The following EFCAB3 variants were observed in gnomAD, a reference collection of about 807,000 sequenced individuals.
EFCAB3 encodes EF-hand calcium-binding domain-containing protein 3.
Under a neutral mutation model 42.2 loss-of-function variants are expected in EFCAB3, and 36 were observed. The ratio of observed to expected loss-of-function variants is 0.85; its 90% CI spans 0.65 to 1.13. EFCAB3 has a LOEUF of 1.13. Ranked by LOEUF, EFCAB3 falls within the 50% of genes most tolerant of loss-of-function variation. The probability of loss-of-function intolerance (pLI) is 0.00; values close to 1 mark genes in which losing one functional copy is unlikely to be tolerated. For synonymous variants in EFCAB3, 170 were observed against 172.8 expected, an observed-to-expected ratio of 0.98 and a Z score of 0.13; for missense variants, 418 against 505.1, an observed-to-expected ratio of 0.83 and a Z score of 1.65.
chr17:62,401,485 C>T (rs1436006385), intron 6 of EFCAB3, among the ~76,000 whole-genome samples: 3 of 152,244 alleles, frequency 2.0e-5, no homozygotes, highest in South Asian at 4.2e-4. Context: ...AGGAAGGGAT[C>T]CAGTTTCAGC....
chr17:62,393,428 G>A, intron 4 of EFCAB3, 145 bp from the exon 5 acceptor site: 1 of 629,668 alleles, frequency 1.6e-6, no homozygotes, highest in Admixed American at 2.9e-5. Flanking sequence ...AGAAGACCAG[G>A]GCTCACCTGA....
At chr17:62,373,898 T>A (rs1567718634) in intron 2 of EFCAB3, 1 of 1,170,652 alleles carries the variant, frequency 8.5e-7, no homozygotes, top group Non-Finnish European at 1.2e-6. Context: ...CAATATAAAA[T>A]TATAATCTGA....
chr17:62,412,996 G>A (rs904321866), intron 8 of EFCAB3, among the ~76,000 whole-genome samples: 7 of 152,080 alleles, frequency 4.6e-5, no homozygotes, highest in African/African-American at 1.7e-4. Flanking sequence ...GCAAATGGAT[G>A]AAATGTAAAA....
chr17:62,380,533 T>C, upstream of EFCAB3: 2 of 985,136 alleles, frequency 2.0e-6, no homozygotes, highest in South Asian at 4.7e-5. Context: ...GAGGTCACAG[T>C]TGTGTGATGG....
At chr17:62,392,059 C>A in intron 4 of EFCAB3, 94 bp downstream of exon 4, 2 of 1,203,540 alleles carry the variant, frequency 1.7e-6, no homozygotes, top group East Asian at 2.7e-5. Context: ...AGAAACAAAT[C>A]TTATTTACTT....
At chr17:62,410,174 G>A (rs985624560) in intron 8 of EFCAB3, among the ~76,000 whole-genome samples, 3 of 151,766 alleles carry the variant, frequency 2.0e-5, no homozygotes, top group African/African-American at 7.3e-5. Flanking sequence ...ACTCCAGCCT[G>A]GGCAATAAGA....
At chr17:62,413,284 T>C (rs2070515434) in intron 8 of EFCAB3, among the ~76,000 whole-genome samples, 1 of 152,292 alleles carries the variant, frequency 6.6e-6, no homozygotes, top group South Asian at 2.1e-4. Context: ...CAGACAGTTC[T>C]CAGAAACATG....
At chr17:62,403,363 T>C (rs781479997) in intron 6 of EFCAB3, among the ~76,000 whole-genome samples, 1 of 152,202 alleles carries the variant, frequency 6.6e-6, no homozygotes, top group Non-Finnish European at 1.5e-5. Context: ...AGTCACTATC[T>C]TCTTGGACTT....
chr17:62,404,754 C>G (rs1470703901), intron 6 of EFCAB3, among the ~76,000 whole-genome samples: 10 of 152,086 alleles, frequency 6.6e-5, no homozygotes, highest in Non-Finnish European at 1.5e-5. Flanking sequence ...CAAGATCGTG[C>G]CATTGCACTC....
At chr17:62,390,778 C>T (rs893072440) in intron 3 of EFCAB3, among the ~76,000 whole-genome samples, 5 of 152,162 alleles carry the variant, frequency 3.3e-5, no homozygotes, top group African/African-American at 1.2e-4. Flanking sequence ...GAGCAGGTAT[C>T]GTTATCTCTG....
chr17:62,398,216 G>C, intron 6 of EFCAB3: 1 of 175,422 alleles, frequency 5.7e-6, no homozygotes. Flanking sequence ...CACTTTGGGA[G>C]GCCAAGGCAG....
chr17:62,411,241 A>G (rs1411586827), intron 8 of EFCAB3, among the ~76,000 whole-genome samples: 1 of 152,230 alleles, frequency 6.6e-6, no homozygotes, highest in East Asian at 1.9e-4. Context: ...GGTAAACAAG[A>G]GGAGTATCAT....
rs1021607151 is a variant in EFCAB3 at position 62,397,789 on chromosome 17, C to T, written c.488+2601C>T. 15 of 352,462 alleles carry T rather than the reference C, an allele frequency of 4.3e-5. No homozygotes were observed. In the East Asian group the frequency reaches 1.1e-3, roughly 27 times the overall value. 21.8% of individuals were successfully genotyped at this position (352,462 alleles called of 1,614,324 possible). On this transcript the variant is annotated intron_variant, in intron 6 of 9. Coordinates refer to ENST00000305286, the MANE Select transcript of EFCAB3 (RefSeq NM_173503.4). ...GTTGTAATCCCAGCACTTTGGGAGG[C>T]CAAGGCAGGTGGATCATGAGGTCAG...
chr17:62,403,005 A>G (rs312262), intron 6 of EFCAB3, among the ~76,000 whole-genome samples: 2 of 152,190 alleles, frequency 1.3e-5, no homozygotes, highest in East Asian at 1.9e-4. Flanking sequence ...ACTTCTTCCT[A>G]GTTTAGTCTT....
At position 62,393,001 on chromosome 17, in the gene EFCAB3, GA is replaced by G. The variant is rs1474170366; in HGVS notation, c.296-567del. Among the ~76,000 whole-genome samples the G allele has an allele frequency of 3.3e-5, 5 of 152,226 alleles. No homozygotes were observed. The East Asian group carries it at 9.7e-4, about 29-fold the overall frequency. On this transcript the variant is annotated intron_variant, in intron 4 of 9. Coordinates refer to ENST00000305286, the MANE Select transcript of EFCAB3 (RefSeq NM_173503.4). ...AGTAGCCCAAACTGATATGCTGTGT[GA>G]AAAATATATTCAGCATATTATCTCC...
chr17:62,377,888 A>G, upstream of EFCAB3: 1 of 1,129,284 alleles, frequency 8.9e-7, no homozygotes, highest in South Asian at 1.5e-5. Flanking sequence ...GGAAAAAAAT[A>G]AGATAAATTA....
intron 3 of EFCAB3, among the ~76,000 whole-genome samples, chr17:62,390,363 A>G (rs1370063840): frequency 6.6e-6 from 1 of 152,234 alleles, no homozygotes; most frequent in African/African-American, 2.4e-5. Context: ...TTTGCAGCGC[A>G]GAGAGAAAGG....
At position 62,370,656 on chromosome 17, in the gene EFCAB3, CA is replaced by C. The variant is rs557238237; in HGVS notation, c.34+346del. Among the ~76,000 whole-genome samples the C allele has an allele frequency of 2.2e-3, 308 of 137,676 alleles. 1 individual carries two copies. Among genetic ancestry groups the C allele is most frequent in the African/African-American group, 4.5e-3 (168 of 37,194 alleles). The allele number at this position is 137,676 out of a possible 152,430, so 90.3% of individuals were successfully genotyped here. A position where few individuals can be genotyped will look rare whatever the true frequency, so the allele number is the denominator to read the frequency against. ...GGGCAACAAGAGCGAAACTCTGTCT[CA>C]AAAAAAAAAAAGAAGAAGTGTACTT... is the stretch of plus-strand genomic sequence containing the variant. On this transcript the variant is annotated intron_variant, in intron 1 of 11. Transcript: ENST00000450662.
upstream of EFCAB3, among the ~76,000 whole-genome samples, chr17:62,375,903 C>A (rs1366076815): frequency 6.6e-6 from 1 of 151,820 alleles, no homozygotes; most frequent in African/African-American, 2.4e-5. Flanking sequence ...TCTTTTGCTC[C>A]AGCTTCCCCT....
Sources: gnomAD v4.1 joint callset for allele counts (sites outside exome capture counted in the v4.1 genomes callset) on GRCh38, gnomAD v4.1.1 for gene constraint, MANE v1.5 for transcripts, NCBI Gene and HGNC (gene_info 2026-07-23, HGNC 2026-07-21) for gene names.